Variants in CST6 observed in about 807,000 individuals in gnomAD.
CST6 encodes cystatin-M.
Under a neutral mutation model 10.7 loss-of-function variants are expected in CST6, and 8 were observed. The ratio of observed to expected loss-of-function variants is 0.75; its 90% confidence interval spans 0.44 to 1.34. The LOEUF (loss-of-function observed/expected upper bound fraction) is 1.34, where lower values mean the gene tolerates loss of function less well. Among genes scored for constraint, CST6 ranks in the 40% most tolerant of loss-of-function variants. The pLI is 0.01. For missense variants in CST6, 206 were observed against 205.1 expected (o/e 1.00, Z -0.03); for synonymous variants, 100 against 89.3 (o/e 1.12, Z -0.68).
In CST6 at chr11:66,012,060, C is replaced by G; in HGVS notation, c.16C>G (p.Leu6Val). 6.4e-7 allele frequency: 1 copy of G among 1,560,480 alleles called. No homozygotes were observed. The highest frequency in any genetic ancestry group is 8.6e-7 in the Non-Finnish European group (1 of 1,160,804). The stretch of plus-strand genomic sequence containing the variant: ...ACTGACGGCCATGGCGCGTTCGAAC[C>G]TCCCGCTGGCGCTGGGCCTGGCCCT... Reference protein sequence around the residue: MARSNLPLALGLALVA... With the variant: MARSNVPLALGLALVA... The change falls in exon 1 of 3, where the codon CTC (leucine) becomes GTC (valine). Residue 6 changes from leucine to valine, a missense_variant. Physicochemically the swap from Leu to Val is conservative, Grantham distance 32. Coordinates refer to ENST00000312134, the MANE Select transcript of CST6 (RefSeq NM_001323.4).
intron 1 of CST6, among the ~76,000 whole-genome samples, chr11:66,012,589 G>A (rs1856179045): frequency 6.6e-6 from 1 of 151,328 alleles, no homozygotes; most frequent in African/African-American, 2.4e-5. Context: ...CCTAGATGGG[G>A]CATGTCTGAT....
Position 66,012,832 on chromosome 11 carries a change from G to C in CST6, c.247G>C (p.Ala83Pro). 6.2e-7 allele frequency: 1 copy of C among 1,603,952 alleles called. No homozygotes were observed. ...HIIKAQSQLV[A>P]GIKYFLTMEM... is the part of the protein sequence containing the mutation. Reference sequence around the variant, plus strand: ...CCCTACCCTATGCCCCCAGCTGGTGGCCGGCATCAAGTACTTCCTGACGAT... The same window carrying C: ...CCCTACCCTATGCCCCCAGCTGGTGCCCGGCATCAAGTACTTCCTGACGAT... The change falls in exon 2 of 3, where the codon GCC becomes CCC. Residue 83 changes from alanine to proline, a missense_variant. Coordinates refer to ENST00000312134, the MANE Select transcript of CST6 (RefSeq NM_001323.4).
Position 66,012,936 on chromosome 11 carries a change from A to C in CST6, c.351A>C (p.Ala117=). The change falls in exon 2 of 3, where the codon GCA becomes GCC. Residue 117 remains alanine, a synonymous_variant. Coordinates refer to ENST00000312134, the MANE Select transcript of CST6 (RefSeq NM_001323.4). ...HVDLTTCPLA[A]GAQQEKLRCD... is the part of the protein sequence containing the mutation. ...ACCTCACCACTTGCCCCCTGGCAGC[A>C]GGGGCGCAGCAGGAGGTAACAGCTG... The C allele has an allele frequency of 6.2e-7, 1 of 1,613,410 alleles. No homozygotes were observed.
intron 2 of CST6, 96 bp from the exon 3 acceptor site, chr11:66,013,221 G>C: frequency 8.6e-7 from 1 of 1,161,544 alleles, no homozygotes; most frequent in Non-Finnish European, 1.3e-6. Context: ...TCCCTCTCTT[G>C]GCCTGGAGCA....
Position 66,012,242 on chromosome 11 carries a change from C to G in CST6, c.198C>G (p.Ile66Met). The G allele has an allele frequency of 1.9e-6, 3 of 1,607,374 alleles. No individual in the cohort carries two copies. Among genetic ancestry groups the G allele is most frequent in the Non-Finnish European group, 2.5e-6 (3 of 1,177,550 alleles). The change falls in exon 1 of 3, where the codon ATC (isoleucine) becomes ATG (methionine). Residue 66 changes from isoleucine (I) to methionine (M), a missense_variant. Transcript: ENST00000312134. Reference protein sequence around the residue: ...VASYNMGSNSIYYFRDTHIIK... With the variant: ...VASYNMGSNSMYYFRDTHIIK... ...GCTACAACATGGGCAGCAACAGCAT[C>G]TACTACTTCCGAGACACGCACATCA... is the stretch of plus-strand genomic sequence containing the variant.
chr11:66,012,735 G>A (rs12802043), intron 1 of CST6, 91 bp from the exon 2 acceptor site: 2 of 1,108,056 alleles, frequency 1.8e-6, no homozygotes, highest in Non-Finnish European at 2.4e-6. Flanking sequence ...CCCCACCTGA[G>A]TGCCTGGGGG....
In CST6 at chr11:66,012,889, A is replaced by G; in HGVS notation, c.304A>G (p.Arg102Gly). ...GGGGAGCACAGACTGCCGCAAGACCAGGGTCACTGGAGACCACGTCGACCT... is the reference window on the plus strand; with the variant it reads ...GGGGAGCACAGACTGCCGCAAGACCGGGGTCACTGGAGACCACGTCGACCT... ...EMGSTDCRKTRVTGDHVDLTT... is the reference protein window; with the variant it reads ...EMGSTDCRKTGVTGDHVDLTT... Residue 102 changes from arginine to glycine, a missense_variant, in exon 2 of 3, where the codon AGG becomes GGG. Arg to Gly is a moderately radical substitution (Grantham distance 125, BLOSUM62 -2). Transcript: ENST00000312134. 6.2e-7 allele frequency: 1 copy of G among 1,613,576 alleles called. No individual in the cohort carries two copies. The highest frequency in any genetic ancestry group is 1.1e-5 in the South Asian group (1 of 91,060).
At chr11:66,013,040 G>A in intron 2 of CST6, 89 bp downstream of exon 2, 1 of 1,493,550 alleles carries the variant, frequency 6.7e-7, no homozygotes, top group Non-Finnish European at 9.1e-7. Flanking sequence ...TGGACACGTA[G>A]ATGTCTAGAT....
chr11:66,012,229 G>C lies in CST6; in HGVS notation c.185G>C (p.Gly62Ala), dbSNP rs1856174790. ...GCGGCCGTGGCCAGCTACAACATGG[G>C]CAGCAACAGCATCTACTACTTCCGA... is the stretch of plus-strand genomic sequence containing the variant. ...AQAAVASYNM[G>A]SNSIYYFRDT... is the part of the protein sequence containing the mutation. The change falls in exon 1 of 3, where the codon GGC becomes GCC. Residue 62 changes from glycine (G) to alanine (A), a missense_variant. Transcript: ENST00000312134. 3 of 1,604,882 alleles carry C rather than the reference G, an allele frequency of 1.9e-6. No homozygotes were observed. The South Asian group carries it at 3.3e-5, about 18-fold the overall frequency.
chr11:66,012,692 C>T (rs1856182580), intron 1 of CST6, 134 bp from the exon 2 acceptor site: 1 of 174,486 alleles, frequency 5.7e-6, no homozygotes, highest in African/African-American at 2.5e-5. Context: ...CCACCCCCCC[C>T]CACCCCGTCT....
At chr11:66,012,662 A>ACCCCC (rs1306316798) in intron 1 of CST6, among the ~76,000 whole-genome samples, 164 bp from the exon 2 acceptor site, 4 of 11,676 alleles carry the variant, frequency 3.4e-4, no homozygotes, top group Non-Finnish European at 5.8e-4. Flanking sequence ...CCCCACCAGA[A>ACCCCC]CTCCCCCCCC....
Position 66,012,158 on chromosome 11 carries a change from C to A in CST6, c.114C>A (p.Leu38=). 6.4e-7 allele frequency: 1 copy of A among 1,558,840 alleles called. No individual in the cohort carries two copies. The highest frequency in any genetic ancestry group is 8.7e-7 in the Non-Finnish European group (1 of 1,155,340). The change falls in exon 1 of 3, where the codon CTC becomes CTA. Residue 38 remains leucine (L), a synonymous_variant. Coordinates refer to ENST00000312134, the MANE Select transcript of CST6 (RefSeq NM_001323.4). ...CGCAGGAGCGCATGGTCGGAGAACT[C>A]CGGGACCTGTCGCCCGACGACCCGC... ...ARPQERMVGE[L]RDLSPDDPQV... is the part of the protein sequence containing the mutation.
Position 66,012,129 on chromosome 11 carries a change from C to G in CST6, c.85C>G (p.Arg29Gly), listed in dbSNP as rs1856173096. The change falls in exon 1 of 3, where the codon CGG becomes GGG. Residue 29 changes from arginine (R) to glycine (G), a missense_variant. By Grantham distance (125) the Arg-to-Gly change is moderately radical. Coordinates refer to ENST00000312134, the MANE Select transcript of CST6 (RefSeq NM_001323.4). ...GGCGCTGCCACGCGACGCCCGGGCCCGGCCGCAGGAGCGCATGGTCGGAGA... is the reference window on the plus strand; with the variant it reads ...GGCGCTGCCACGCGACGCCCGGGCCGGGCCGCAGGAGCGCATGGTCGGAGA... ...LLALPRDARA[R>G]PQERMVGELR... is the part of the protein sequence containing the mutation. 6.5e-7 allele frequency: 1 copy of G among 1,549,976 alleles called. No individual in the cohort carries two copies. Among genetic ancestry groups the G allele is most frequent in the Non-Finnish European group, 8.7e-7 (1 of 1,152,910 alleles).
chr11:66,013,460 C>T lies in CST6; in HGVS notation c.*60C>T, dbSNP rs1185751560. On this transcript the variant is annotated 3_prime_UTR_variant, in exon 3 of 3. Transcript: ENST00000312134. ...GCCATGGTGGAGGGCACTTCAGGTC[C>T]GTGGGCCGTATCTGTCACAATAAAT... is the stretch of plus-strand genomic sequence containing the variant. 10 of 1,348,744 alleles carry T rather than the reference C, an allele frequency of 7.4e-6. No individual in the cohort carries two copies. The highest frequency in any genetic ancestry group is 1.2e-5 in the South Asian group (1 of 85,648). 83.5% of individuals were successfully genotyped at this position (1,348,744 alleles called of 1,614,324 possible).
chr11:66,012,197 G>A lies in CST6; in HGVS notation c.153G>A (p.Ala51=), dbSNP rs1373396823. ...LSPDDPQVQK[A]AQAAVASYNM... is the part of the protein sequence containing the mutation. ...CCGACGACCCGCAGGTGCAGAAGGC[G>A]GCGCAGGCGGCCGTGGCCAGCTACA... is the stretch of plus-strand genomic sequence containing the variant. Residue 51 remains alanine (A), a synonymous_variant, in exon 1 of 3, where the codon GCG becomes GCA. Transcript: ENST00000312134. 3 of 1,583,578 alleles carry A rather than the reference G, an allele frequency of 1.9e-6. No homozygotes were observed. The highest frequency in any genetic ancestry group is 2.6e-6 in the Non-Finnish European group (3 of 1,166,726).
At position 66,012,964 on chromosome 11, in the gene CST6, C is replaced by A. The variant is rs1244908600; in HGVS notation, c.366+13C>A. 6.2e-7 allele frequency: 1 copy of A among 1,612,632 alleles called. No homozygotes were observed. The highest frequency in any genetic ancestry group is 1.1e-5 in the South Asian group (1 of 90,930). On this transcript the variant is annotated intron_variant, in intron 2 of 2. Transcript: ENST00000312134. Reference sequence around the variant, plus strand: ...GGCGCAGCAGGAGGTAACAGCTGGGCTCCTCCAGCCCCAGCCCTCCCCAGA... The same window carrying A: ...GGCGCAGCAGGAGGTAACAGCTGGGATCCTCCAGCCCCAGCCCTCCCCAGA...
In CST6 at chr11:66,013,086, G is replaced by A. The variant is rs1156670648; in HGVS notation, c.366+135G>A. The A allele has an allele frequency of 2.4e-6, 3 of 1,268,766 alleles. No individual in the cohort carries two copies. The South Asian group carries it at 3.8e-5, about 16-fold the overall frequency. 78.6% of individuals were successfully genotyped at this position (1,268,766 alleles called of 1,614,324 possible). A position where few individuals can be genotyped will look rare whatever the true frequency, so the allele number is the denominator to read the frequency against. ...ACCTGTCGTCCTTCTGGATGAGTCA[G>A]CCTCTGGGCCAAGATGGGGTGCAGA... On this transcript the variant is annotated intron_variant, in intron 2 of 2. Transcript: ENST00000312134.
rs771335355 is a variant in CST6 at position 66,013,325 on chromosome 11, C to T, written c.375C>T (p.Arg125=). The T allele has an allele frequency of 1.2e-6, 2 of 1,613,980 alleles. No homozygotes were observed. Among genetic ancestry groups the T allele is most frequent in the Admixed American group, 1.7e-5 (1 of 60,000 alleles). ...CCATATTCCCTCCACAGAAGCTGCG[C>T]TGTGACTTTGAGGTCCTTGTGGTTC... The part of the protein sequence containing the change: ...LAAGAQQEKL[R]CDFEVLVVPW... Residue 125 remains arginine, a synonymous_variant, in exon 3 of 3, where the codon CGC becomes CGT. Coordinates refer to ENST00000312134, the MANE Select transcript of CST6 (RefSeq NM_001323.4).
chr11:66,013,028 G>T, intron 2 of CST6, 77 bp downstream of exon 2: 1 of 1,560,086 alleles, frequency 6.4e-7, no homozygotes, highest in Non-Finnish European at 8.7e-7. Context: ...AACTGGTTTG[G>T]CTGGACACGT....
Sources: allele counts gnomAD v4.1 joint callset (sites outside exome capture counted in the v4.1 genomes callset), GRCh38; gene constraint gnomAD v4.1.1; transcripts MANE v1.5; gene names NCBI Gene and HGNC (gene_info 2026-07-23, HGNC 2026-07-21).